XKR6: variants seen among roughly 807,000 people sequenced by gnomAD.
The protein encoded by XKR6 is XK-related protein 6.
A neutral mutation model predicts 56.7 loss-of-function variants in XKR6; 22 were observed. The observed-to-expected ratio is 0.39, with a 90% CI of 0.28 to 0.55. XKR6 has a LOEUF of 0.55. Among genes scored for constraint, XKR6 ranks in the 20% least tolerant of loss-of-function variants. XKR6 has a pLI of 0.66. For missense variants in XKR6, 852 were observed against 889.0 expected, an observed-to-expected ratio of 0.96 and a Z score of 0.53; for synonymous variants, 524 against 387.8, an observed-to-expected ratio of 1.35 and a Z score of -4.13.
At chr8:11,057,113 C>G (rs998402766) in intron 1 of XKR6, among the ~76,000 whole-genome samples, 7 of 152,196 alleles carry the variant, frequency 4.6e-5, no homozygotes, top group African/African-American at 1.7e-4. Flanking sequence ...CCGACCCAAT[C>G]GAAGCACAAA....
chr8:10,966,605 C>T (rs113816536), intron 1 of XKR6, among the ~76,000 whole-genome samples: 6,591 of 152,176 alleles, frequency 0.043, 209 homozygotes, highest in Non-Finnish European at 0.065. Context: ...ACCCAGGAGG[C>T]GGAGCTTGCA....
intron 1 of XKR6, among the ~76,000 whole-genome samples, chr8:11,131,861 C>A (rs879873941): frequency 6.6e-6 from 1 of 152,180 alleles, no homozygotes; most frequent in Non-Finnish European, 1.5e-5. Flanking sequence ...ACAGGCTATA[C>A]CAGACAGTGT....
chr8:11,186,477 A>G (rs1480398518), intron 1 of XKR6, among the ~76,000 whole-genome samples: 1 of 152,160 alleles, frequency 6.6e-6, no homozygotes, highest in African/African-American at 2.4e-5. Context: ...CCTGGGCTCA[A>G]GTAGTCTTCC....
chr8:11,132,133 G>C (rs111740835), intron 1 of XKR6, among the ~76,000 whole-genome samples: 6 of 152,026 alleles, frequency 3.9e-5, no homozygotes, highest in Non-Finnish European at 8.8e-5. Context: ...CCTAAAATTT[G>C]CATTCCTAAC....
chr8:10,931,737 AC>A (rs1453144665), intron 1 of XKR6, among the ~76,000 whole-genome samples: 1 of 152,168 alleles, frequency 6.6e-6, no homozygotes, highest in Non-Finnish European at 1.5e-5. Flanking sequence ...AACGTGTAAA[AC>A]CATAAAACTT....
chr8:10,913,185 A>G (rs1236682544), intron 2 of XKR6, among the ~76,000 whole-genome samples: 1 of 151,772 alleles, frequency 6.6e-6, no homozygotes, highest in East Asian at 1.9e-4. Context: ...CTCTATATTT[A>G]TACTCAATAT....
chr8:11,043,754 T>C (rs1799342105), intron 1 of XKR6, among the ~76,000 whole-genome samples: 1 of 152,086 alleles, frequency 6.6e-6, no homozygotes, highest in African/African-American at 2.4e-5. Flanking sequence ...GGACAGGAGG[T>C]TGGATGCACC....
intron 1 of XKR6, among the ~76,000 whole-genome samples, chr8:10,989,959 G>A (rs929952213): frequency 1.3e-5 from 2 of 152,340 alleles, no homozygotes; most frequent in South Asian, 4.1e-4. Flanking sequence ...GCTTCATTCT[G>A]TATCTAGGGA....
chr8:10,952,916 C>T (rs935514437), intron 1 of XKR6, among the ~76,000 whole-genome samples: 4 of 152,110 alleles, frequency 2.6e-5, no homozygotes, highest in African/African-American at 4.8e-5. Context: ...AGATCAGTGG[C>T]GGCATTAGAT....
intron 1 of XKR6, among the ~76,000 whole-genome samples, chr8:10,982,181 G>C (rs958218794): frequency 6.6e-6 from 1 of 152,212 alleles, no homozygotes; most frequent in Non-Finnish European, 1.5e-5. Flanking sequence ...GCAAATGGTA[G>C]GTGGCATAAT....
At chr8:11,107,849 C>G (rs1449437768) in intron 1 of XKR6, 1 of 158,806 alleles carries the variant, frequency 6.3e-6, no homozygotes, top group Non-Finnish European at 1.4e-5. Flanking sequence ...GTTATTTTAT[C>G]TGGTTACCAG....
intron 2 of XKR6, among the ~76,000 whole-genome samples, chr8:10,903,058 G>C (rs988942683): frequency 6.6e-6 from 1 of 152,168 alleles, no homozygotes; most frequent in African/African-American, 2.4e-5. Flanking sequence ...TCTACTGGAT[G>C]CTCAACAGAG....
intron 1 of XKR6, among the ~76,000 whole-genome samples, chr8:10,984,436 T>C (rs1007861767): frequency 6.6e-6 from 1 of 152,146 alleles, no homozygotes; most frequent in Admixed American, 6.5e-5. Context: ...CTGAGGGCAC[T>C]ATTCAACTTA....
At chr8:11,169,710 G>C (rs565799720) in intron 1 of XKR6, among the ~76,000 whole-genome samples, 4 of 152,268 alleles carry the variant, frequency 2.6e-5, no homozygotes, top group African/African-American at 9.6e-5. Context: ...ATGGACAGTG[G>C]TGATAATTGC....
rs78457180 is a variant in XKR6, at chr8:11,085,075, G to C, written c.764+115501C>G. On this transcript the variant is annotated intron_variant, in intron 1 of 2. Transcript: ENST00000416569. ...TTTGCCAGCCTTCCTTCGTCCCCTTGGCTTCCTCCTCCGCCTCCTCCTTCC... is the reference window on the plus strand; with the variant it reads ...TTTGCCAGCCTTCCTTCGTCCCCTTCGCTTCCTCCTCCGCCTCCTCCTTCC... Among the ~76,000 whole-genome samples the C allele has an allele frequency of 8.1e-3, 1,231 of 152,048 alleles. 6 individuals carry two copies. The highest frequency in any genetic ancestry group is 0.012 in the East Asian group (60 of 5,150).
At chr8:10,951,740 G>A (rs545441750) in intron 1 of XKR6, among the ~76,000 whole-genome samples, 82 of 152,304 alleles carry the variant, frequency 5.4e-4, no homozygotes, top group African/African-American at 1.7e-3. Flanking sequence ...TGTGAAGCAG[G>A]GCAGGCAGAA....
chr8:11,050,163 G>T (rs570175655), intron 1 of XKR6, among the ~76,000 whole-genome samples: 1 of 152,194 alleles, frequency 6.6e-6, no homozygotes, highest in Non-Finnish European at 1.5e-5. Context: ...GCTAGCACAC[G>T]GAGACACGCA....
At chr8:11,057,786 G>A (rs1030837002) in intron 1 of XKR6, among the ~76,000 whole-genome samples, 4 of 152,106 alleles carry the variant, frequency 2.6e-5, no homozygotes, top group African/African-American at 9.7e-5. Flanking sequence ...TGGGGCCTTG[G>A]GCCTTTTTTT....
chr8:10,981,941 A>G (rs1268343707), intron 1 of XKR6, among the ~76,000 whole-genome samples: 1 of 152,260 alleles, frequency 6.6e-6, no homozygotes, highest in Non-Finnish European at 1.5e-5. Context: ...GCTTGGATTA[A>G]GGCTATTCAC....
Sources: gnomAD v4.1 joint callset for allele counts (sites outside exome capture counted in the v4.1 genomes callset) on GRCh38, gnomAD v4.1.1 for gene constraint, MANE v1.5 for transcripts, NCBI Gene and HGNC (gene_info 2026-07-23, HGNC 2026-07-21) for gene names.